Variants in CSMD1 observed in about 807,000 individuals in gnomAD.
CSMD1 encodes the protein CUB and Sushi multiple domains 1.
In CSMD1, 213 loss-of-function variants were observed where a neutral mutation model predicts 417.5. That is an observed-to-expected ratio of 0.51 (90% confidence interval 0.46 to 0.57). The LOEUF (loss-of-function observed/expected upper bound fraction) is 0.57, where lower values mean the gene tolerates loss of function less well. CSMD1 is among the 20% of genes least tolerant of loss of function. The pLI, the probability that CSMD1 is intolerant of heterozygous loss-of-function variation, is 0.00. For missense variants in CSMD1, 6,923 were observed against 4,529.7 expected, an observed-to-expected ratio of 1.53 and a Z score of -15.17; for synonymous variants, 2,862 against 1,736.8, an observed-to-expected ratio of 1.65 and a Z score of -16.11.
Position 4,932,815 on chromosome 8 carries a change from G to A in CSMD1, c.85+61517C>T, listed in dbSNP as rs563070355. On this transcript the variant is annotated intron_variant, in intron 1 of 69. Transcript: ENST00000635120. ...TTCAATAGAGTTTTACCCCTTCCCTGTGCTCCCTGGTTCAAATTTTCAACT... is the reference window on the plus strand; with the variant it reads ...TTCAATAGAGTTTTACCCCTTCCCTATGCTCCCTGGTTCAAATTTTCAACT... Among the ~76,000 whole-genome samples, 46 of 152,270 alleles carry A rather than the reference G, an allele frequency of 3.0e-4. No homozygotes were observed. In the South Asian group the frequency reaches 7.7e-3, roughly 25 times the overall value.
At chr8:4,894,704 G>GTGTA (rs1256865657) in intron 1 of CSMD1, among the ~76,000 whole-genome samples, 2 of 151,404 alleles carry the variant, frequency 1.3e-5, no homozygotes, top group Admixed American at 6.6e-5. Context: ...AAGACTGTGT[G>GTGTA]TGTGTGTGTG....
chr8:2,980,870 T>C (rs1292760713), intron 54 of CSMD1, among the ~76,000 whole-genome samples: 2 of 152,214 alleles, frequency 1.3e-5, no homozygotes, highest in Admixed American at 6.5e-5. Flanking sequence ...TTTACCTAGT[T>C]CACTACCCTT....
chr8:4,838,280 G>C (rs372955838), intron 1 of CSMD1, among the ~76,000 whole-genome samples: 1 of 152,174 alleles, frequency 6.6e-6, no homozygotes, highest in Admixed American at 6.5e-5. Flanking sequence ...CAAAGTGTCA[G>C]GAGACGTCAG....
rs372214397 is a variant in CSMD1 at position 3,444,533 on chromosome 8, G to A, written c.1561+24179C>T. ...TCATTGGGACATTTGGCAATGTCTG[G>A]AGGCATTGGTATTTGCACACTGAGG... On this transcript the variant is annotated intron_variant, in intron 12 of 69. Transcript: ENST00000635120. Among the ~76,000 whole-genome samples, 82 of 152,160 alleles carry A rather than the reference G, an allele frequency of 5.4e-4. 1 individual carries two copies. The South Asian group carries it at 0.016, about 30-fold the overall frequency.
At chr8:4,297,270 C>T (rs1487546201) in intron 3 of CSMD1, among the ~76,000 whole-genome samples, 2 of 151,868 alleles carry the variant, frequency 1.3e-5, no homozygotes, top group Non-Finnish European at 2.9e-5. Context: ...TTTACCAAGG[C>T]TATATGAAGA....
chr8:3,429,475 C>A (rs559430204), intron 12 of CSMD1, among the ~76,000 whole-genome samples: 22 of 152,262 alleles, frequency 1.4e-4, no homozygotes, highest in African/African-American at 5.3e-4. Context: ...CAGATGTTCA[C>A]TGACCTTCAT....
chr8:4,992,140 C>G (rs1255181152), intron 1 of CSMD1, among the ~76,000 whole-genome samples: 1 of 152,158 alleles, frequency 6.6e-6, no homozygotes, highest in African/African-American at 2.4e-5. Context: ...GGGCCCGAGG[C>G]GCCCAGGACT....
At chr8:4,847,297 T>G (rs1381604312) in intron 1 of CSMD1, among the ~76,000 whole-genome samples, 1 of 152,236 alleles carries the variant, frequency 6.6e-6, no homozygotes, top group Non-Finnish European at 1.5e-5. Flanking sequence ...TTAAGAGAAT[T>G]GGCATAAATA....
chr8:4,635,138 A>G (rs1387665911), intron 2 of CSMD1, among the ~76,000 whole-genome samples: 2 of 152,098 alleles, frequency 1.3e-5, no homozygotes, highest in Admixed American at 1.3e-4. Flanking sequence ...ATTCATATGA[A>G]CCTAAGTAGG....
intron 1 of CSMD1, among the ~76,000 whole-genome samples, chr8:4,652,133 G>C (rs1803936675): frequency 6.6e-6 from 1 of 152,148 alleles, no homozygotes; most frequent in Admixed American, 6.5e-5. Context: ...ATTAGGAGAG[G>C]CAGAGGAAGC....
intron 3 of CSMD1, among the ~76,000 whole-genome samples, chr8:4,235,529 G>C (rs938227785): frequency 6.6e-6 from 1 of 152,036 alleles, no homozygotes; most frequent in East Asian, 1.9e-4. Flanking sequence ...GTACATACAT[G>C]AATCTACTCA....
intron 5 of CSMD1, among the ~76,000 whole-genome samples, chr8:3,901,616 A>G (rs1323520543): frequency 6.6e-6 from 1 of 152,202 alleles, no homozygotes; most frequent in Non-Finnish European, 1.5e-5. Context: ...AGTTTCTCTG[A>G]AAACCACCGA....
intron 7 of CSMD1, among the ~76,000 whole-genome samples, chr8:3,698,220 G>A (rs1401112297): frequency 6.6e-6 from 1 of 152,268 alleles, no homozygotes; most frequent in African/African-American, 2.4e-5. Context: ...CTTCTGCAGT[G>A]ACAAACGCCT....
chr8:3,472,335 T>G (rs1244511393), intron 11 of CSMD1, among the ~76,000 whole-genome samples: 1 of 152,140 alleles, frequency 6.6e-6, no homozygotes, highest in Non-Finnish European at 1.5e-5. Context: ...TGTAAGTGTG[T>G]ACTTTCTGAA....
chr8:3,274,062 T>C (rs887211153), intron 26 of CSMD1, among the ~76,000 whole-genome samples: 1 of 151,932 alleles, frequency 6.6e-6, no homozygotes, highest in African/African-American at 2.4e-5. Flanking sequence ...CTTGTGGGCA[T>C]TTAGTGCTAT....
intron 10 of CSMD1, among the ~76,000 whole-genome samples, chr8:3,523,754 CACACACACAT>C (rs1213793485): frequency 2.0e-5 from 3 of 151,380 alleles, no homozygotes; most frequent in Admixed American, 6.6e-5. Context: ...CATACACATG[CACACACACAT>C]GCACACACAT....
intron 10 of CSMD1, among the ~76,000 whole-genome samples, chr8:3,560,746 T>A (rs2116858565): frequency 6.6e-6 from 1 of 152,332 alleles, no homozygotes; most frequent in Non-Finnish European, 1.5e-5. Flanking sequence ...ACTAGCAGCC[T>A]TTCAGGAGAA....
At chr8:3,815,641 T>A (rs369633075) in intron 5 of CSMD1, among the ~76,000 whole-genome samples, 8 of 141,298 alleles carry the variant, frequency 5.7e-5, no homozygotes, top group African/African-American at 2.1e-4. Context: ...TTTTTTTTTT[T>A]AACAAATAAA....
Position 3,118,025 on chromosome 8 carries a change from C to A in CSMD1, c.6430+374G>T, listed in dbSNP as rs914000399. Among the ~76,000 whole-genome samples, 4 of 152,136 alleles carry A rather than the reference C, an allele frequency of 2.6e-5. 1 individual carries two copies. Among genetic ancestry groups the A allele is most frequent in the Admixed American group, 2.0e-4 (3 of 15,272 alleles). ...ACACCAAGGATCAAATTAATAAGTA[C>A]CCTTTTTCCCTCTGGTCCTACAATC... On this transcript the variant is annotated intron_variant, in intron 42 of 69. Transcript: ENST00000635120.
Sources: gnomAD v4.1 joint callset for allele counts (sites outside exome capture counted in the v4.1 genomes callset) on GRCh38, gnomAD v4.1.1 for gene constraint, MANE v1.5 for transcripts, NCBI Gene and HGNC (gene_info 2026-07-23, HGNC 2026-07-21) for gene names.